MEGF6: variants seen among roughly 807,000 people sequenced by gnomAD.
The protein encoded by MEGF6 is multiple epidermal growth factor-like domains protein 6.
Under a neutral mutation model 207.1 loss-of-function variants are expected in MEGF6, and 184 were observed. The ratio of observed to expected loss-of-function variants is 0.89; its 90% confidence interval spans 0.79 to 1.00. The LOEUF is 1.00. Among genes scored for constraint, MEGF6 ranks in the 50% least tolerant of loss-of-function variants. MEGF6 has a pLI of 0.00. For missense variants in MEGF6, 2,282 were observed against 2,202.9 expected, an observed-to-expected ratio of 1.04 and a Z score of -0.72; for synonymous variants, 1,038 against 910.0, an observed-to-expected ratio of 1.14 and a Z score of -2.53.
chr1:3,551,468 C>A lies in MEGF6; in HGVS notation c.482-27222G>T, dbSNP rs562931518. Reference sequence around the variant, plus strand: ...GCTCCACACATCACTCTGGGCAGTGCCTCCCCTGGGACCAGGCACTGGCCA... The same window carrying A: ...GCTCCACACATCACTCTGGGCAGTGACTCCCCTGGGACCAGGCACTGGCCA... On this transcript the variant is annotated intron_variant, in intron 4 of 36. Coordinates refer to ENST00000356575, the MANE Select transcript of MEGF6 (RefSeq NM_001409.4). Among the ~76,000 whole-genome samples, 784 of 152,286 alleles carry A rather than the reference C, an allele frequency of 5.1e-3. 2 individuals carry two copies. Among genetic ancestry groups the A allele is most frequent in the Non-Finnish European group, 7.6e-3 (520 of 68,016 alleles).
intron 35 of MEGF6, among the ~76,000 whole-genome samples, chr1:3,491,493 G>A (rs1319415929): frequency 2.0e-5 from 3 of 152,008 alleles, no homozygotes; most frequent in Admixed American, 6.6e-5. Context: ...ACCGAGATGG[G>A]GGCTCCCCTG....
chr1:3,508,123 G>C (rs998640055), intron 13 of MEGF6, among the ~76,000 whole-genome samples, 200 bp from the exon 14 acceptor site: 1 of 152,140 alleles, frequency 6.6e-6, no homozygotes, highest in South Asian at 2.1e-4. Context: ...CCAGCAGAGA[G>C]AGGAGTCTCC....
chr1:3,602,397 C>A, intron 2 of MEGF6, 69 bp downstream of exon 2: 1 of 1,605,256 alleles, frequency 6.2e-7, no homozygotes, highest in Non-Finnish European at 8.5e-7. Context: ...AGCTGCCCAG[C>A]TCCCGGGTGG....
At chr1:3,490,794 C>T in intron 36 of MEGF6, 118 bp downstream of exon 36, 1 of 1,357,638 alleles carries the variant, frequency 7.4e-7, no homozygotes, top group Non-Finnish European at 1.0e-6. Flanking sequence ...TCCTGGGGCC[C>T]AAGGCCCCGG....
upstream of MEGF6, among the ~76,000 whole-genome samples, chr1:3,615,580 A>C (rs1041347002): frequency 6.6e-6 from 1 of 152,240 alleles, no homozygotes; most frequent in African/African-American, 2.4e-5. Flanking sequence ...GAGTCATCAC[A>C]TCCCTGCGTG....
In MEGF6 at chr1:3,492,845, GCC is replaced by G. The variant is rs1640429458; in HGVS notation, c.4388-80_4388-79del. ...CGCGCCAAGGAGCCTGGGCCTAGGG[GCC>G]CGCGGCAGAGCCCAGGTGGAGTGAA... On this transcript the variant is annotated intron_variant, in intron 34 of 36. Transcript: ENST00000356575. 5 of 1,543,154 alleles carry G rather than the reference GCC, an allele frequency of 3.2e-6. No homozygotes were observed. In the Admixed American group the frequency reaches 9.2e-5, roughly 28 times the overall value.
intron 2 of MEGF6, among the ~76,000 whole-genome samples, chr1:3,597,644 G>A (rs964897426): frequency 1.3e-5 from 2 of 152,230 alleles, no homozygotes; most frequent in Admixed American, 1.3e-4. Context: ...GGATGGCTGT[G>A]TGAACAGGAA....
At chr1:3,567,750 G>A (rs1004532253) in intron 4 of MEGF6, among the ~76,000 whole-genome samples, 2 of 152,238 alleles carry the variant, frequency 1.3e-5, no homozygotes, top group African/African-American at 4.8e-5. Flanking sequence ...GGACGCTGCA[G>A]CGACCTTGAA....
chr1:3,491,012 A>C (rs1309784484), intron 35 of MEGF6, 53 bp from the exon 36 acceptor site: 2 of 1,520,074 alleles, frequency 1.3e-6, no homozygotes, highest in African/African-American at 2.8e-5. Context: ...TGAGTGAGCC[A>C]CAGTAATGGC....
intron 36 of MEGF6, 48 bp from the exon 37 acceptor site, chr1:3,490,637 C>T: frequency 6.3e-7 from 1 of 1,593,366 alleles, no homozygotes; most frequent in African/African-American, 1.3e-5. Context: ...GGCGGGTGCT[C>T]CCAGAACAGA....
intron 4 of MEGF6, among the ~76,000 whole-genome samples, chr1:3,579,385 C>T (rs1315347553): frequency 2.0e-5 from 3 of 152,360 alleles, no homozygotes. Context: ...GTCCCATTTA[C>T]AGCTGTGCTG....
intron 4 of MEGF6, among the ~76,000 whole-genome samples, chr1:3,578,332 G>A (rs1019527239): frequency 6.6e-6 from 1 of 152,234 alleles, no homozygotes; most frequent in Admixed American, 6.5e-5. Flanking sequence ...AGGCCCTCGG[G>A]ACATTTCTCA....
In MEGF6 at chr1:3,499,266, G is replaced by A. The variant is rs778687384; in HGVS notation, c.2966C>T (p.Thr989Ile). The A allele has an allele frequency of 6.2e-7, 1 of 1,603,070 alleles. No individual in the cohort carries two copies. The highest frequency in any genetic ancestry group is 2.2e-5 in the East Asian group (1 of 44,518). Residue 989 changes from threonine (T) to isoleucine (I), a missense_variant and splice_region_variant, in exon 24 of 37, where the codon ACC (threonine) becomes ATC (isoleucine). Transcript: ENST00000356575. ...AGRRGPRCAE[T>I]CPAHTYGHNC... is the part of the protein sequence containing the mutation. The stretch of plus-strand genomic sequence containing the variant: ...GTGCCCGTAGGTGTGGGCTGGGCAG[G>A]CTGCAGGTGGAGAGGGCTGGTCAGA...
intron 36 of MEGF6, 85 bp downstream of exon 36, chr1:3,490,827 C>T (rs1253132886): frequency 6.7e-7 from 1 of 1,494,470 alleles, no homozygotes. Context: ...CCCTGTGGGG[C>T]CCAGATTATA....
chr1:3,579,169 G>A (rs1266794710), intron 4 of MEGF6, among the ~76,000 whole-genome samples: 1 of 152,230 alleles, frequency 6.6e-6, no homozygotes, highest in African/African-American at 2.4e-5. Context: ...AGAGCAGGAA[G>A]CCACAGAGGA....
Position 3,505,348 on chromosome 1 carries a change from G to C in MEGF6, c.2054-6C>G, listed in dbSNP as rs1641065561. 6.2e-7 allele frequency: 1 copy of C among 1,609,890 alleles called. No homozygotes were observed. Among genetic ancestry groups the C allele is most frequent in the Non-Finnish European group, 8.5e-7 (1 of 1,178,490 alleles). On this transcript the variant is annotated splice_region_variant and splice_polypyrimidine_tract_variant and intron_variant, in intron 16 of 36. Coordinates refer to ENST00000356575, the MANE Select transcript of MEGF6 (RefSeq NM_001409.4). ...AAAGTAGCCCAGCTCACACTCTGCAGGGCGTGAGAGAGGGGTGGGTGGGGT... is the reference window on the plus strand; with the variant it reads ...AAAGTAGCCCAGCTCACACTCTGCACGGCGTGAGAGAGGGGTGGGTGGGGT...
rs780543966 is a variant in MEGF6, at chr1:3,507,918, G to A, written c.1666C>T (p.Pro556Ser). Residue 556 changes from proline to serine, a missense_variant, in exon 14 of 37, where the codon CCT (proline) becomes TCT (serine). Physicochemically the swap from Pro to Ser is moderately conservative, Grantham distance 74. Transcript: ENST00000356575. ...CAGTTCTTCCCAAAGGTGTCCGGAG[G>A]ACAAGCTACAAAGAATGACAGGGAA... ...WTGLICNETC[P>S]PDTFGKNCSF... 6 of 1,610,854 alleles carry A rather than the reference G, an allele frequency of 3.7e-6. No individual in the cohort carries two copies. In the South Asian group the frequency reaches 5.5e-5, roughly 15 times the overall value.
intron 1 of MEGF6, among the ~76,000 whole-genome samples, chr1:3,610,141 T>A (rs1203659994): frequency 6.6e-5 from 10 of 152,242 alleles, no homozygotes; most frequent in Admixed American, 6.5e-4. Context: ...AGGGACAGCA[T>A]GGCTTTGAAA....
chr1:3,596,102 G>A (rs1441398882), intron 2 of MEGF6, among the ~76,000 whole-genome samples: 2 of 152,126 alleles, frequency 1.3e-5, no homozygotes, highest in Non-Finnish European at 2.9e-5. Context: ...GAGGACCTGT[G>A]TGGGCCCAGG....
Sources: gnomAD v4.1 joint callset for allele counts (sites outside exome capture counted in the v4.1 genomes callset) on GRCh38, gnomAD v4.1.1 for gene constraint, MANE v1.5 for transcripts, NCBI Gene and HGNC (gene_info 2026-07-23, HGNC 2026-07-21) for gene names.